Variants in ZBTB16 observed in about 807,000 individuals in gnomAD.
ZBTB16 encodes zinc finger and BTB domain-containing protein 16.
In ZBTB16, 8 loss-of-function variants were observed where a neutral mutation model predicts 56.8. That is an observed-to-expected ratio of 0.14 (90% CI 0.08 to 0.25). ZBTB16 has a LOEUF of 0.25. Ranked by LOEUF, ZBTB16 falls within the 10% of genes least tolerant of loss-of-function variation. The probability of loss-of-function intolerance (pLI) is 1.00; values close to 1 mark genes in which losing one functional copy is unlikely to be tolerated. For missense variants in ZBTB16, 625 were observed against 903.0 expected, an observed-to-expected ratio of 0.69 and a Z score of 3.95; for synonymous variants, 363 against 368.5, an observed-to-expected ratio of 0.98 and a Z score of 0.17.
At chr11:114,249,865 C>T (rs915860317) in intron 6 of ZBTB16, among the ~76,000 whole-genome samples, 17 of 151,926 alleles carry the variant, frequency 1.1e-4, no homozygotes, top group South Asian at 2.1e-4. Context: ...CCCCCCACCC[C>T]TGCTCCCCAC....
intron 2 of ZBTB16, among the ~76,000 whole-genome samples, chr11:114,091,338 C>T (rs1321446018): frequency 6.6e-6 from 1 of 152,084 alleles, no homozygotes. Flanking sequence ...CAGAGTGGGA[C>T]CCTGTCTCAA....
chr11:114,247,036 G>C (rs1944829186), intron 5 of ZBTB16, 162 bp from the exon 6 acceptor site: 1 of 818,520 alleles, frequency 1.2e-6, no homozygotes, highest in Non-Finnish European at 2.0e-6. Flanking sequence ...GACAGGTATT[G>C]CTTGTTTATT....
At chr11:114,244,252 G>T (rs1382811223) in intron 5 of ZBTB16, among the ~76,000 whole-genome samples, 1 of 152,038 alleles carries the variant, frequency 6.6e-6, no homozygotes, top group Non-Finnish European at 1.5e-5. Flanking sequence ...CTGTGCTGAA[G>T]GGAGGGGCTG....
chr11:114,128,830 C>T (rs1482454629), intron 2 of ZBTB16, among the ~76,000 whole-genome samples: 1 of 152,192 alleles, frequency 6.6e-6, no homozygotes, highest in Non-Finnish European at 1.5e-5. Flanking sequence ...GCTATTTATC[C>T]TGCCAAGCCC....
chr11:114,163,076 A>G (rs1402453552), intron 3 of ZBTB16, among the ~76,000 whole-genome samples: 11 of 152,236 alleles, frequency 7.2e-5, no homozygotes, highest in Non-Finnish European at 1.6e-4. Flanking sequence ...AAGCCCGTAC[A>G]CGGGAGAGAG....
At chr11:114,179,137 G>T (rs566366501) in intron 3 of ZBTB16, among the ~76,000 whole-genome samples, 1 of 152,278 alleles carries the variant, frequency 6.6e-6, no homozygotes, top group Non-Finnish European at 1.5e-5. Context: ...CTATCAATGG[G>T]GCTGGTTGTT....
rs1051731572 is a variant in ZBTB16 at position 114,251,734 on chromosome 11, CCA to C, written c.*1182_*1183del. On this transcript the variant is annotated 3_prime_UTR_variant, in exon 7 of 7. Transcript: ENST00000335953. ...TTCCTGACTCACAGCGCCCCTCGGT[CCA>C]CAGTGGAGAGGAGGAGGAGGAGGAG... Among the ~76,000 whole-genome samples, 43 of 152,218 alleles carry C rather than the reference CCA, an allele frequency of 2.8e-4. No homozygotes were observed. The highest frequency in any genetic ancestry group is 1.0e-3 in the African/African-American group (42 of 41,518).
chr11:114,208,429 T>G (rs1050208706), intron 4 of ZBTB16, among the ~76,000 whole-genome samples: 1 of 152,148 alleles, frequency 6.6e-6, no homozygotes, highest in African/African-American at 2.4e-5. Flanking sequence ...TCTGAAAAAT[T>G]AGGACACCAT....
At chr11:114,184,813 T>C (rs1375301237) in intron 3 of ZBTB16, among the ~76,000 whole-genome samples, 2 of 152,130 alleles carry the variant, frequency 1.3e-5, no homozygotes, top group Non-Finnish European at 2.9e-5. Context: ...TACAAATTTG[T>C]GTAACAAGTA....
chr11:114,156,413 A>G lies in ZBTB16; in HGVS notation c.1345A>G (p.Met449Val). ...KRFLDSLRLR[M>V]HLLAHSAGAK... ...GTTCCTGGATAGTTTGCGGCTGAGA[A>G]TGCACTTACTGGCTCATTCAGGTAG... The change falls in exon 3 of 7, where the codon ATG (methionine) becomes GTG (valine). Residue 449 changes from methionine (M) to valine (V), a missense_variant. Around this residue, in one of 6 missense-constraint regions of ZBTB16, gnomAD observed 140 missense variants for 214.8 expected, o/e 0.65. Coordinates refer to ENST00000335953, the MANE Select transcript of ZBTB16 (RefSeq NM_006006.6). 1.2e-6 allele frequency: 2 copies of G among 1,614,220 alleles called. No homozygotes were observed. The highest frequency in any genetic ancestry group is 1.7e-6 in the Non-Finnish European group (2 of 1,180,018).
At chr11:114,140,914 C>G (rs1332268930) in intron 2 of ZBTB16, among the ~76,000 whole-genome samples, 1 of 152,216 alleles carries the variant, frequency 6.6e-6, no homozygotes, top group East Asian at 1.9e-4. Flanking sequence ...CTGTCTCCTT[C>G]CATGGTCCCT....
intron 4 of ZBTB16, among the ~76,000 whole-genome samples, chr11:114,229,614 G>C (rs1358895618): frequency 1.3e-5 from 2 of 152,210 alleles, no homozygotes; most frequent in Non-Finnish European, 2.9e-5. Flanking sequence ...GAAATTCGTA[G>C]CTACGTTCTC....
intron 4 of ZBTB16, among the ~76,000 whole-genome samples, chr11:114,208,067 TAG>T (rs1943924768): frequency 6.6e-6 from 1 of 152,222 alleles, no homozygotes; most frequent in South Asian, 2.1e-4. Context: ...CTGGTATTAA[TAG>T]AGTCTTCTCA....
chr11:114,114,509 T>C (rs954797986), intron 2 of ZBTB16, among the ~76,000 whole-genome samples: 1 of 152,158 alleles, frequency 6.6e-6, no homozygotes, highest in Non-Finnish European at 1.5e-5. Flanking sequence ...GCATAGTGTT[T>C]GTAAAAAGAG....
At chr11:114,185,889 G>A (rs1218189764) in intron 3 of ZBTB16, among the ~76,000 whole-genome samples, 1 of 152,210 alleles carries the variant, frequency 6.6e-6, no homozygotes, top group Non-Finnish European at 1.5e-5. Context: ...ACAGTTCTGA[G>A]AAAGTTTATT....
chr11:114,162,994 A>G (rs1032646136), intron 3 of ZBTB16, among the ~76,000 whole-genome samples: 5 of 152,104 alleles, frequency 3.3e-5, no homozygotes, highest in African/African-American at 1.2e-4. Flanking sequence ...AGAGTTTATG[A>G]TCGCTTGCAG....
rs575911572 is a variant in ZBTB16, at chr11:114,174,537, C to T, written c.1367-12415C>T. ...CTCTGCTAAAAATACAACAATTAGC[C>T]GGGCGTGGTGGCATGAGCCTCCTAG... is the stretch of plus-strand genomic sequence containing the variant. On this transcript the variant is annotated intron_variant, in intron 3 of 6. Transcript: ENST00000335953. Among the ~76,000 whole-genome samples, 473 of 152,156 alleles carry T rather than the reference C, an allele frequency of 3.1e-3. 2 individuals carry two copies. Among genetic ancestry groups the T allele is most frequent in the Non-Finnish European group, 5.5e-3 (377 of 68,004 alleles).
intron 2 of ZBTB16, among the ~76,000 whole-genome samples, chr11:114,105,228 GTC>G (rs202222391): frequency 2.7e-5 from 4 of 149,292 alleles, no homozygotes; most frequent in Non-Finnish European, 3.0e-5. Context: ...AATTAATTCT[GTC>G]TCTCTCTCTC....
chr11:114,148,449 G>GTCCCTC (rs1942190993), intron 2 of ZBTB16, among the ~76,000 whole-genome samples: 3 of 51,590 alleles, frequency 5.8e-5, no homozygotes, highest in African/African-American at 2.1e-4. Context: ...CTCTCTCTCT[G>GTCCCTC]TCTGTCTGTC....
Sources: allele counts gnomAD v4.1 joint callset (sites outside exome capture counted in the v4.1 genomes callset), GRCh38; gene constraint gnomAD v4.1.1; regional missense constraint gnomAD v4.1.1; transcripts MANE v1.5; gene names NCBI Gene and HGNC (gene_info 2026-07-23, HGNC 2026-07-21).